Variants in SH3RF1 observed in about 807,000 individuals in gnomAD.
SH3RF1 encodes SH3 domain containing ring finger 1.
SH3RF1 carries 32 observed loss-of-function variants against 74.0 expected under a neutral mutation model. That is an observed-to-expected ratio of 0.43 (90% CI 0.33 to 0.58). SH3RF1 has a LOEUF of 0.58. Among genes scored for constraint, SH3RF1 ranks in the 20% least tolerant of loss-of-function variants. The pLI, the probability that SH3RF1 is intolerant of heterozygous loss-of-function variation, is 0.05. For missense variants in SH3RF1, 954 were observed against 1,130.9 expected (o/e 0.84, Z 2.24); for synonymous variants, 396 against 439.6 (o/e 0.90, Z 1.24).
At chr4:169,268,749 A>C in intron 2 of SH3RF1, 71 bp downstream of exon 2, 1 of 1,489,754 alleles carries the variant, frequency 6.7e-7, no homozygotes, top group Non-Finnish European at 8.9e-7. Flanking sequence ...GAAAACACCA[A>C]GCTAAAGAAT....
intron 2 of SH3RF1, among the ~76,000 whole-genome samples, chr4:169,192,514 A>G (rs1734736895): frequency 6.6e-6 from 1 of 152,142 alleles, no homozygotes; most frequent in Admixed American, 6.5e-5. Context: ...GCAGTGAACA[A>G]GGAACACTTC....
chr4:169,185,134 C>A (rs1734581755), intron 2 of SH3RF1, among the ~76,000 whole-genome samples: 1 of 152,146 alleles, frequency 6.6e-6, no homozygotes, highest in Admixed American at 6.5e-5. Flanking sequence ...GTTGTTCTTT[C>A]ATTTTGTTCA....
At chr4:169,212,035 T>A (rs1025413895) in intron 2 of SH3RF1, among the ~76,000 whole-genome samples, 5 of 151,010 alleles carry the variant, frequency 3.3e-5, no homozygotes, top group African/African-American at 1.2e-4. Context: ...TCTTGTTTTC[T>A]AATTTTTTTT....
chr4:169,245,241 C>G (rs763571354), intron 2 of SH3RF1, among the ~76,000 whole-genome samples: 4 of 152,140 alleles, frequency 2.6e-5, no homozygotes, highest in Non-Finnish European at 5.9e-5. Context: ...GAAGTCAGAA[C>G]TGGATGGATG....
intron 4 of SH3RF1, among the ~76,000 whole-genome samples, chr4:169,146,718 A>T (rs867379363): frequency 6.6e-6 from 1 of 152,168 alleles, no homozygotes; most frequent in Admixed American, 6.6e-5. Context: ...GATTCTCTTG[A>T]GAAGTTTAGC....
chr4:169,216,700 T>C (rs1730469436), intron 2 of SH3RF1, among the ~76,000 whole-genome samples: 1 of 152,186 alleles, frequency 6.6e-6, no homozygotes, highest in Non-Finnish European at 1.5e-5. Flanking sequence ...AATTCAAAAA[T>C]AATTTTTAGA....
chr4:169,198,474 TTG>T (rs902760218), intron 2 of SH3RF1, among the ~76,000 whole-genome samples: 1 of 152,200 alleles, frequency 6.6e-6, no homozygotes, highest in Non-Finnish European at 1.5e-5. Context: ...ATACATATAC[TTG>T]TTTTTGCTTT....
intron 2 of SH3RF1, among the ~76,000 whole-genome samples, chr4:169,183,070 C>T (rs1205958838): frequency 6.6e-6 from 1 of 152,074 alleles, no homozygotes; most frequent in East Asian, 1.9e-4. Context: ...GTTTGGGAGT[C>T]TAAGGTGGGA....
chr4:169,133,157 G>A (rs997869625), intron 5 of SH3RF1, among the ~76,000 whole-genome samples: 3 of 152,174 alleles, frequency 2.0e-5, no homozygotes, highest in South Asian at 2.1e-4. Flanking sequence ...GGAAGGTGCC[G>A]AGGTCCCTAA....
chr4:169,200,843 G>A (rs78860142), intron 2 of SH3RF1, among the ~76,000 whole-genome samples: 1,584 of 152,262 alleles, frequency 0.01, 30 homozygotes, highest in African/African-American at 0.037. Context: ...CATCCCAACT[G>A]AGATGAGTAA....
At chr4:169,157,958 C>T (rs1458790207) in intron 2 of SH3RF1, among the ~76,000 whole-genome samples, 2 of 152,068 alleles carry the variant, frequency 1.3e-5, no homozygotes, top group African/African-American at 2.4e-5. Context: ...AGGCTGGTCT[C>T]AAACTCCTGA....
intron 6 of SH3RF1, among the ~76,000 whole-genome samples, chr4:169,127,502 A>C (rs1420150970): frequency 2.6e-5 from 4 of 152,234 alleles, no homozygotes; most frequent in African/African-American, 9.6e-5. Flanking sequence ...TAAACCTGAC[A>C]TATTAAATCT....
chr4:169,157,256 G>A (rs1291339784), intron 2 of SH3RF1, among the ~76,000 whole-genome samples: 2 of 152,042 alleles, frequency 1.3e-5, no homozygotes, highest in Non-Finnish European at 2.9e-5. Flanking sequence ...ATTTAATGAG[G>A]GTCTACTCCT....
chr4:169,202,273 T>C (rs772488469), intron 2 of SH3RF1, among the ~76,000 whole-genome samples: 17 of 152,210 alleles, frequency 1.1e-4, no homozygotes, highest in Non-Finnish European at 2.4e-4. Context: ...TTTATCCTGA[T>C]GCTTCAGTTT....
At chr4:169,161,333 G>A (rs1012679630) in intron 2 of SH3RF1, among the ~76,000 whole-genome samples, 3 of 152,212 alleles carry the variant, frequency 2.0e-5, no homozygotes, top group Non-Finnish European at 4.4e-5. Flanking sequence ...TAGTGGGCCA[G>A]CTTTACATTT....
intron 2 of SH3RF1, among the ~76,000 whole-genome samples, chr4:169,175,504 C>A (rs1734405690): frequency 6.6e-6 from 1 of 152,170 alleles, no homozygotes; most frequent in South Asian, 2.1e-4. Flanking sequence ...ACTTTTCCTT[C>A]TGCTTAGAAT....
chr4:169,191,249 G>A (rs527294421), intron 2 of SH3RF1, among the ~76,000 whole-genome samples: 1 of 140,944 alleles, frequency 7.1e-6, no homozygotes, highest in East Asian at 2.1e-4. Context: ...TACCAACAGC[G>A]ACCCAGCTGA....
chr4:169,186,440 T>C (rs1341427556), intron 2 of SH3RF1, among the ~76,000 whole-genome samples: 1 of 152,076 alleles, frequency 6.6e-6, no homozygotes, highest in Non-Finnish European at 1.5e-5. Context: ...AAAACACTTA[T>C]TTCTATCAAA....
chr4:169,147,812 G>A (rs1298412480), intron 4 of SH3RF1, among the ~76,000 whole-genome samples: 2 of 152,122 alleles, frequency 1.3e-5, no homozygotes, highest in Admixed American at 6.5e-5. Flanking sequence ...TGCTGGACCA[G>A]TATAGAATAT....
Sources: gnomAD v4.1 joint callset for allele counts (sites outside exome capture counted in the v4.1 genomes callset) on GRCh38, gnomAD v4.1.1 for gene constraint, MANE v1.5 for transcripts, NCBI Gene and HGNC (gene_info 2026-07-23, HGNC 2026-07-21) for gene names.